The following ATP10B variants were observed in gnomAD, a reference collection of about 807,000 sequenced individuals.
ATP10B encodes the protein phospholipid-transporting ATPase VB.
Under a neutral mutation model 141.2 loss-of-function variants are expected in ATP10B, and 122 were observed. That is an observed-to-expected ratio of 0.86 (90% CI 0.75 to 1.00). The LOEUF is 1.00. ATP10B is among the 50% of genes least tolerant of loss of function. The pLI, the probability that ATP10B is intolerant of heterozygous loss-of-function variation, is 0.00. For missense variants in ATP10B, 1,876 were observed against 1,825.3 expected, an observed-to-expected ratio of 1.03 and a Z score of -0.51; for synonymous variants, 685 against 692.0, an observed-to-expected ratio of 0.99 and a Z score of 0.16.
chr5:160,678,330 T>C (rs1056513608), intron 6 of ATP10B, among the ~76,000 whole-genome samples: 1 of 152,062 alleles, frequency 6.6e-6, no homozygotes, highest in African/African-American at 2.4e-5. Flanking sequence ...GGGGTTGGCA[T>C]TGAAAAGGTT....
intron 2 of ATP10B, among the ~76,000 whole-genome samples, chr5:160,721,659 G>T (rs1462636693): frequency 1.3e-5 from 2 of 152,136 alleles, no homozygotes; most frequent in Non-Finnish European, 2.9e-5. Flanking sequence ...CTGATGAGTG[G>T]GTTCCTAGGC....
At chr5:160,818,643 T>TA (rs771084396) in intron 1 of ATP10B, among the ~76,000 whole-genome samples, 2 of 152,344 alleles carry the variant, frequency 1.3e-5, no homozygotes, top group East Asian at 3.9e-4. Context: ...GCCATCCCAT[T>TA]ACTGGGTATA....
intron 2 of ATP10B, among the ~76,000 whole-genome samples, chr5:160,783,444 CACATA>C (rs1770884017): frequency 1.2e-5 from 1 of 86,128 alleles, no homozygotes; most frequent in Admixed American, 1.3e-4. Flanking sequence ...ATATATCCAT[CACATA>C]TATATATATA....
intron 7 of ATP10B, among the ~76,000 whole-genome samples, chr5:160,659,004 C>T (rs1406646815): frequency 6.6e-6 from 1 of 152,030 alleles, no homozygotes; most frequent in Non-Finnish European, 1.5e-5. Context: ...CAAATATTTC[C>T]CACATTGACC....
intron 7 of ATP10B, among the ~76,000 whole-genome samples, chr5:160,665,565 G>C (rs1175074672): frequency 6.6e-6 from 1 of 152,226 alleles, no homozygotes; most frequent in Admixed American, 6.5e-5. Flanking sequence ...GAACCTGCAA[G>C]AGGGGTTCAC....
chr5:160,925,983 C>T, the ATP10B span, among the ~76,000 whole-genome samples: 1 of 152,182 alleles, frequency 6.6e-6, no homozygotes, highest in Non-Finnish European at 1.5e-5. Flanking sequence ...TAAGGATTGC[C>T]AGGTAATATA....
the ATP10B span, among the ~76,000 whole-genome samples, chr5:160,915,835 CT>C: frequency 3.3e-5 from 5 of 152,182 alleles, no homozygotes; most frequent in Non-Finnish European, 7.3e-5. Flanking sequence ...TCTCACACAC[CT>C]TTGCACACAC....
At chr5:160,748,927 C>A (rs1767978782) in intron 2 of ATP10B, among the ~76,000 whole-genome samples, 1 of 152,058 alleles carries the variant, frequency 6.6e-6, no homozygotes. Context: ...TGCACTTGGC[C>A]CCCCGTATAA....
chr5:160,743,810 C>T (rs1767632379), intron 2 of ATP10B, among the ~76,000 whole-genome samples: 1 of 152,150 alleles, frequency 6.6e-6, no homozygotes, highest in African/African-American at 2.4e-5. Context: ...GTCCCCTTCA[C>T]CTCAGGGGAT....
At chr5:160,716,361 T>C (rs1765660971) in intron 3 of ATP10B, among the ~76,000 whole-genome samples, 1 of 152,196 alleles carries the variant, frequency 6.6e-6, no homozygotes, top group Non-Finnish European at 1.5e-5. Context: ...ATAACTCTCA[T>C]AACAACCCTG....
At chr5:160,896,167 G>A in the ATP10B span, among the ~76,000 whole-genome samples, 1 of 151,758 alleles carries the variant, frequency 6.6e-6, no homozygotes, top group Admixed American at 6.6e-5. Flanking sequence ...AAATTCAAAA[G>A]CTAGCAGAAG....
At chr5:160,855,913 A>T (rs183071163), upstream of ATP10B, among the ~76,000 whole-genome samples, 8 of 151,502 alleles carry the variant, frequency 5.3e-5, no homozygotes, top group East Asian at 9.7e-4. Context: ...ATTTGTGTGG[A>T]TCTATTTCTG....
chr5:160,569,616 T>C lies in ATP10B; in HGVS notation c.3818A>G (p.Asn1273Ser). The C allele has an allele frequency of 6.2e-7, 1 of 1,613,428 alleles. No individual in the cohort carries two copies. The highest frequency in any genetic ancestry group is 8.5e-7 in the Non-Finnish European group (1 of 1,179,686). Residue 1273 changes from asparagine to serine, a missense_variant, in exon 25 of 26, where the codon AAT becomes AGT. Physicochemically the swap from Asn to Ser is conservative, Grantham distance 46. Transcript: ENST00000327245. Reference protein sequence around the residue: ...LMYFLVSLLYNATCVICNSPT... With the variant: ...LMYFLVSLLYSATCVICNSPT... The stretch of plus-strand genomic sequence containing the variant: ...GCTGTTGCAGATGACGCAGGTGGCA[T>C]TGTACAGGAGGGATACCAGAAAGTA...
intron 9 of ATP10B, 80 bp downstream of exon 9, chr5:160,644,058 G>T (rs934015831): frequency 2.5e-5 from 28 of 1,141,780 alleles, no homozygotes; most frequent in Non-Finnish European, 3.4e-5. Flanking sequence ...AACAGTTGTT[G>T]GTTCCCATTG....
rs139313061 is a variant in ATP10B, at chr5:160,823,841, C to T, written c.-576+28100G>A. Among the ~76,000 whole-genome samples the T allele has an allele frequency of 1.3e-3, 199 of 152,100 alleles. 2 individuals are homozygous for T. Among genetic ancestry groups the T allele is most frequent in the Non-Finnish European group, 1.1e-3 (74 of 67,964 alleles). ...AGAGTGAGACTCCGTCTCCAAAAAA[C>T]AAACAAAATAACATATTTCATATAG... is the stretch of plus-strand genomic sequence containing the variant. On this transcript the variant is annotated intron_variant, in intron 1 of 25. Transcript: ENST00000327245.
At chr5:160,675,252 C>G (rs1224435972) in intron 6 of ATP10B, among the ~76,000 whole-genome samples, 1 of 152,072 alleles carries the variant, frequency 6.6e-6, no homozygotes, top group African/African-American at 2.4e-5. Flanking sequence ...TGGGAACTGA[C>G]TGCTATTTTA....
chr5:160,617,456 A>T (rs2127644377), intron 16 of ATP10B, among the ~76,000 whole-genome samples: 1 of 152,344 alleles, frequency 6.6e-6, no homozygotes, highest in East Asian at 1.9e-4. Flanking sequence ...CTAGAATGAA[A>T]ACACAGTTGG....
intron 2 of ATP10B, among the ~76,000 whole-genome samples, chr5:160,776,016 C>T (rs1181926310): frequency 2.0e-5 from 3 of 152,130 alleles, no homozygotes; most frequent in Admixed American, 2.0e-4. Context: ...ATTAAATGAG[C>T]ACCCACTAGT....
At chr5:160,856,136 G>A (rs1429413240), upstream of ATP10B, among the ~76,000 whole-genome samples, 1 of 151,720 alleles carries the variant, frequency 6.6e-6, no homozygotes, top group Non-Finnish European at 1.5e-5. Context: ...GATAGTGATT[G>A]TATTAAATTC....
Sources: allele counts gnomAD v4.1 joint callset (sites outside exome capture counted in the v4.1 genomes callset), GRCh38; gene constraint gnomAD v4.1.1; transcripts MANE v1.5; gene names NCBI Gene and HGNC (gene_info 2026-07-23, HGNC 2026-07-21).